The following PLCH1 variants were observed in gnomAD, a reference collection of about 807,000 sequenced individuals.
PLCH1 encodes 1-phosphatidylinositol 4,5-bisphosphate phosphodiesterase eta-1.
PLCH1 carries 60 observed loss-of-function variants against 126.7 expected under a neutral mutation model. The observed-to-expected ratio is 0.47, with a 90% CI of 0.38 to 0.59. PLCH1 has a LOEUF of 0.59. Among genes scored for constraint, PLCH1 ranks in the 20% least tolerant of loss-of-function variants. The pLI is 0.00. For synonymous variants in PLCH1, 719 were observed against 734.9 expected (o/e 0.98, Z 0.35); for missense variants, 1,723 against 2,040.0 (o/e 0.84, Z 2.99).
Position 155,468,669 on chromosome 3 carries a change from G to A in PLCH1, c.2938+16687C>T, listed in dbSNP as rs1218238315. On this transcript the variant is annotated intron_variant, in intron 21 of 21. Coordinates refer to the PLCH1 transcript ENST00000494598. ...AAGAAGGTCATTCCATAATGACAAA[G>A]GGGTCAATTCAGCAAGAAGATATAA... Among the ~76,000 whole-genome samples, 4 of 152,146 alleles carry A rather than the reference G, an allele frequency of 2.6e-5. No individual in the cohort carries two copies. In the East Asian group the frequency reaches 7.7e-4, roughly 29 times the overall value.
In PLCH1 at chr3:155,579,257, T is replaced by C. The variant is rs73874851; in HGVS notation, c.771+4215A>G. Among the ~76,000 whole-genome samples, 1,030 of 152,294 alleles carry C rather than the reference T, an allele frequency of 6.8e-3. 12 individuals are homozygous for C. Among genetic ancestry groups the C allele is most frequent in the African/African-American group, 0.024 (977 of 41,572 alleles). ...TGGAAAAGACACTTCCCCTCACCTA[T>C]GGAATTTTACAGTCAAGTATATGTG... On this transcript the variant is annotated intron_variant, in intron 6 of 22. Transcript: ENST00000460012.
intron 1 of PLCH1, among the ~76,000 whole-genome samples, chr3:155,744,008 T>G (rs1052325742): frequency 4.9e-5 from 6 of 121,982 alleles, no homozygotes; most frequent in Non-Finnish European, 1.0e-4. Context: ...AAAAGTTGGG[T>G]TTTTTTTTTT....
At chr3:155,527,946 A>G (rs1266819889) in intron 10 of PLCH1, among the ~76,000 whole-genome samples, 1 of 150,822 alleles carries the variant, frequency 6.6e-6, no homozygotes, top group South Asian at 2.1e-4. Flanking sequence ...TGTTGGGGCC[A>G]GGCACAGTGG....
At chr3:155,564,125 T>TA (rs140103749) in intron 8 of PLCH1, among the ~76,000 whole-genome samples, 4,402 of 151,898 alleles carry the variant, frequency 0.029, 198 homozygotes, top group African/African-American at 0.1. Context: ...TATTATTTTA[T>TA]AAAAAAAATG....
intron 2 of PLCH1, among the ~76,000 whole-genome samples, chr3:155,640,337 A>T (rs1391852991): frequency 3.3e-5 from 5 of 152,244 alleles, no homozygotes; most frequent in African/African-American, 1.2e-4. Flanking sequence ...AATATCCAAG[A>T]TGTCTGGGTG....
At position 155,583,521 on chromosome 3, in the gene PLCH1, T is replaced by A. The variant is rs773289455; in HGVS notation, c.722A>T (p.Asp241Val). ...AGCCAGTTCTTCCACAGTTAGGTGA[T>A]CTTTCTTGTCACTGTAGCTCAAAAG... The part of the protein sequence containing the change: ...LLLLSYSDKK[D>V]HLTVEELAQF... Residue 241 changes from aspartate (D) to valine (V), a missense_variant, in exon 6 of 23, where the codon GAT becomes GTT. Asp to Val is a radical substitution (Grantham distance 152, BLOSUM62 -3). Around this residue, in one of 2 missense-constraint regions of PLCH1, gnomAD observed 776 missense variants for 1,062.9 expected, o/e 0.73. Transcript: ENST00000460012. The A allele has an allele frequency of 1.9e-6, 3 of 1,608,346 alleles. No individual in the cohort carries two copies. The highest frequency in any genetic ancestry group is 2.5e-6 in the Non-Finnish European group (3 of 1,178,238).
At chr3:155,568,023 C>T (rs1419294410) in intron 7 of PLCH1, among the ~76,000 whole-genome samples, 3 of 152,170 alleles carry the variant, frequency 2.0e-5, no homozygotes, top group African/African-American at 4.8e-5. Flanking sequence ...GTGGAAAATG[C>T]TTATGGGCAT....
chr3:155,486,968 G>A (rs935754639), intron 21 of PLCH1: 5 of 152,104 alleles, frequency 3.3e-5, no homozygotes, highest in African/African-American at 1.2e-4. Context: ...TAGATGAGAG[G>A]CAAGACCCCA....
chr3:155,552,507 C>T (rs77925088), intron 9 of PLCH1, among the ~76,000 whole-genome samples: 3,448 of 152,154 alleles, frequency 0.023, 151 homozygotes, highest in African/African-American at 0.08. Flanking sequence ...GTAGAATAAG[C>T]AACAATTAAT....
rs149049725 is a variant in PLCH1 at position 155,637,568 on chromosome 3, C to G, written c.80-41190G>C. Among the ~76,000 whole-genome samples, 639 of 152,328 alleles carry G rather than the reference C, an allele frequency of 4.2e-3. 1 individual carries two copies. Among genetic ancestry groups the G allele is most frequent in the Admixed American group, 7.1e-3 (108 of 15,298 alleles). On this transcript the variant is annotated intron_variant, in intron 2 of 22. Transcript: ENST00000460012. ...AAATATTACCTACATTCAATTAGCA[C>G]TTTTGCCCTTTTGCTATGGAAAATG...
intron 1 of PLCH1, among the ~76,000 whole-genome samples, chr3:155,733,426 G>A (rs1748920013): frequency 6.6e-6 from 1 of 152,112 alleles, no homozygotes; most frequent in South Asian, 2.1e-4. Context: ...CACCCTTGTG[G>A]TCAATTGATT....
intron 2 of PLCH1, among the ~76,000 whole-genome samples, chr3:155,619,774 A>G (rs970029856): frequency 6.6e-5 from 10 of 152,074 alleles, no homozygotes; most frequent in African/African-American, 2.4e-4. Flanking sequence ...ACAACTTCCA[A>G]CCACAGACAG....
chr3:155,686,766 A>G (rs550774254), intron 2 of PLCH1, among the ~76,000 whole-genome samples: 1 of 152,304 alleles, frequency 6.6e-6, no homozygotes, highest in South Asian at 2.1e-4. Context: ...CTCATTCTAG[A>G]AGGGGTCTCA....
intron 17 of PLCH1, among the ~76,000 whole-genome samples, chr3:155,493,857 T>C (rs1401074876): frequency 6.6e-6 from 1 of 152,200 alleles, no homozygotes; most frequent in African/African-American, 2.4e-5. Context: ...CCAGCTTATA[T>C]GGGGCACTGG....
chr3:155,502,529 A>AC (rs1392206336), intron 13 of PLCH1, among the ~76,000 whole-genome samples: 1 of 152,190 alleles, frequency 6.6e-6, no homozygotes, highest in Non-Finnish European at 1.5e-5. Context: ...CTCTAATTCC[A>AC]CATAGTTAGT....
intron 2 of PLCH1, among the ~76,000 whole-genome samples, chr3:155,657,481 C>CG (rs1553750319): frequency 1.3e-5 from 2 of 152,114 alleles, no homozygotes; most frequent in Non-Finnish European, 2.9e-5. Flanking sequence ...CTCTAGCATT[C>CG]GGCTGAGTAC....
At chr3:155,500,222 G>A (rs1440191659) in intron 14 of PLCH1, among the ~76,000 whole-genome samples, 1 of 152,152 alleles carries the variant, frequency 6.6e-6, no homozygotes, top group African/African-American at 2.4e-5. Flanking sequence ...TATTTAATCA[G>A]GCCAGGGCTT....
intron 22 of PLCH1, 33 bp downstream of exon 22, chr3:155,485,323 G>A: frequency 7.2e-7 from 1 of 1,387,506 alleles, no homozygotes; most frequent in East Asian, 2.3e-5. Context: ...AGCCTAGAAG[G>A]GTTTATTCTC....
chr3:155,642,072 C>T (rs1739462496), intron 2 of PLCH1, among the ~76,000 whole-genome samples: 1 of 152,136 alleles, frequency 6.6e-6, no homozygotes, highest in South Asian at 2.1e-4. Flanking sequence ...ACTCACAATG[C>T]AGTATTCACA....
Sources: allele counts gnomAD v4.1 joint callset (sites outside exome capture counted in the v4.1 genomes callset), GRCh38; gene constraint gnomAD v4.1.1; regional missense constraint gnomAD v4.1.1; transcripts MANE v1.5; gene names NCBI Gene and HGNC (gene_info 2026-07-23, HGNC 2026-07-21).